The following INO80D variants were observed in gnomAD, a reference collection of about 807,000 sequenced individuals.
The protein encoded by INO80D is INO80 complex subunit D.
In INO80D, 21 loss-of-function variants were observed where a neutral mutation model predicts 87.6. The observed-to-expected ratio is 0.24, with a 90% CI of 0.17 to 0.35. INO80D has a LOEUF of 0.35. INO80D is among the 10% of genes least tolerant of loss of function. INO80D has a pLI of 1.00. For missense variants in INO80D, 982 were observed against 1,280.7 expected, an observed-to-expected ratio of 0.77 and a Z score of 3.56; for synonymous variants, 440 against 491.0, an observed-to-expected ratio of 0.90 and a Z score of 1.37.
intron 1 of INO80D, among the ~76,000 whole-genome samples, chr2:206,071,679 C>T (rs1689977405): frequency 6.6e-6 from 1 of 151,282 alleles, no homozygotes; most frequent in South Asian, 2.1e-4. Flanking sequence ...TGTTACTTTT[C>T]TCTTATTTTG....
At position 206,004,867 on chromosome 2, in the gene INO80D, G is replaced by A; in HGVS notation, c.2585C>T (p.Ala862Val). The A allele has an allele frequency of 3.1e-6, 5 of 1,614,058 alleles. No individual in the cohort carries two copies. The highest frequency in any genetic ancestry group is 3.4e-6 in the Non-Finnish European group (4 of 1,179,908). ...GTGCTGCGCCATGATGGGCATCTCT[G>A]CTGAAAAGGTAGCTGCCATATTATC... The part of the protein sequence containing the change: ...SGDNMAATFS[A>V]EMPIMAQHLL... Residue 862 changes from alanine to valine, a missense_variant, in exon 11 of 11, where the codon GCA becomes GTA. Coordinates refer to ENST00000403263, the MANE Select transcript of INO80D (RefSeq NM_017759.5). This position sits in a 1 kb window ranked among gnomAD's most constrained non-coding sequence, Gnocchi z 4.9.
chr2:206,052,734 G>A (rs1304381192), intron 4 of INO80D, among the ~76,000 whole-genome samples: 1 of 151,728 alleles, frequency 6.6e-6, no homozygotes, highest in Non-Finnish European at 1.5e-5. Context: ...CAAGGCAGCA[G>A]TGAGCCATGA....
intron 5 of INO80D, chr2:206,040,773 G>A: frequency 3.8e-6 from 1 of 261,076 alleles, no homozygotes; most frequent in Non-Finnish European, 8.1e-6. Context: ...CCCAATGGGA[G>A]GCCAAGGTCA....
At chr2:206,009,550 A>G (rs758927421) in intron 9 of INO80D, 27 bp downstream of exon 9, 8 of 1,560,390 alleles carry the variant, frequency 5.1e-6, no homozygotes, top group Middle Eastern at 4.3e-4. Context: ...ATGTAAAGAA[A>G]AATTAGGTGC....
chr2:206,045,710 T>C (rs1689175580), intron 5 of INO80D, among the ~76,000 whole-genome samples: 1 of 150,474 alleles, frequency 6.6e-6, no homozygotes, highest in African/African-American at 2.4e-5. Context: ...TCAGGAGATC[T>C]AGCCTAAAAA....
intron 4 of INO80D, among the ~76,000 whole-genome samples, chr2:206,053,997 G>A (rs1337359131): frequency 6.6e-6 from 1 of 151,748 alleles, no homozygotes; most frequent in African/African-American, 2.4e-5. Flanking sequence ...ACACCACCAT[G>A]CCTAGCTAAT....
In INO80D at chr2:206,007,220, C is replaced by T. The variant is rs929383774; in HGVS notation, c.1918+64G>A. On this transcript the variant is annotated intron_variant, in intron 10 of 10. Transcript: ENST00000403263. ...AATATGATAAACACATCTCAAAACA[C>T]TATTTCTTTTCTTATAAACTCATTT... 2.1e-6 allele frequency: 3 copies of T among 1,425,972 alleles called. No homozygotes were observed. In the African/African-American group the frequency reaches 4.3e-5, roughly 20 times the overall value. 88.3% of individuals were successfully genotyped at this position (1,425,972 alleles called of 1,614,324 possible).
At chr2:206,036,142 G>A (rs1049921347) in intron 5 of INO80D, among the ~76,000 whole-genome samples, 1 of 152,142 alleles carries the variant, frequency 6.6e-6, no homozygotes, top group Admixed American at 6.5e-5. Context: ...ACTGCTGGTG[G>A]GAATGTAAAC....
chr2:206,032,159 A>G (rs1575824324), intron 5 of INO80D, among the ~76,000 whole-genome samples: 1 of 152,310 alleles, frequency 6.6e-6, no homozygotes, highest in East Asian at 1.9e-4. Context: ...ACTTTGTAAC[A>G]ATTTGAACCT....
rs1177852584 is a variant in INO80D, at chr2:206,003,194, A to G, written c.*1174T>C. ...AAACTTTAAAATGTGTATCCTTCAG[A>G]TATTACACATCACTTCACAACTGGT... is the stretch of plus-strand genomic sequence containing the variant. On this transcript the variant is annotated 3_prime_UTR_variant, in exon 11 of 11. Coordinates refer to ENST00000403263, the MANE Select transcript of INO80D (RefSeq NM_017759.5). The G allele has an allele frequency of 6.6e-6, 1 of 152,254 alleles. No individual in the cohort carries two copies. Among genetic ancestry groups the G allele is most frequent in the Non-Finnish European group, 1.5e-5 (1 of 68,046 alleles). The allele number at this position is 152,254 out of a possible 1,614,324, so 9.4% of individuals were successfully genotyped here.
intron 6 of INO80D, chr2:206,025,542 A>ATATATATATATATAT (rs1553616187): frequency 3.0e-4 from 23 of 76,926 alleles, no homozygotes; most frequent in Non-Finnish European, 4.6e-4. Context: ...AAAAAAAAAA[A>ATATATATATATATAT]ATATATATAT....
chr2:206,050,450 C>T (rs1306925298), intron 4 of INO80D, among the ~76,000 whole-genome samples: 1 of 143,972 alleles, frequency 6.9e-6, no homozygotes, highest in East Asian at 2.1e-4. Context: ...CGAGACCTCG[C>T]CACTGCATTG....
chr2:206,020,126 T>C (rs1247424004), intron 6 of INO80D, among the ~76,000 whole-genome samples: 2 of 152,086 alleles, frequency 1.3e-5, no homozygotes, highest in Non-Finnish European at 2.9e-5. Flanking sequence ...TCCCTTTTCT[T>C]CACAAAGAGA....
rs529159460 is a variant in INO80D at position 206,045,760 on chromosome 2, A to G, written c.1073+744T>C. The stretch of plus-strand genomic sequence containing the variant: ...GCACAGTAGAAATAAAGAATGGATC[A>G]ATGTTGCAGAAGATAGAGGTGAAGT... On this transcript the variant is annotated intron_variant, in intron 5 of 10. Coordinates refer to ENST00000403263, the MANE Select transcript of INO80D (RefSeq NM_017759.5). Among the ~76,000 whole-genome samples, 40 of 152,302 alleles carry G rather than the reference A, an allele frequency of 2.6e-4. No homozygotes were observed. The South Asian group carries it at 4.8e-3, about 18-fold the overall frequency.
Position 206,005,363 on chromosome 2 carries a change from T to C in INO80D, c.2089A>G (p.Thr697Ala). 2 of 1,614,018 alleles carry C rather than the reference T, an allele frequency of 1.2e-6. No homozygotes were observed. The highest frequency in any genetic ancestry group is 3.3e-5 in the Admixed American group (2 of 60,024). The change falls in exon 11 of 11, where the codon ACT (threonine) becomes GCT (alanine). Residue 697 changes from threonine to alanine, a missense_variant. Transcript: ENST00000403263. ...DRGIGVFSTG[T>A]GASGIQSLSR... The stretch of plus-strand genomic sequence containing the variant: ...AAGGATTGTATTCCTGAAGCTCCAG[T>C]ACCTGTGGAGAACACCCCTATTCCT...
At chr2:206,025,542 A>AAAAATATATAT (rs71301548) in intron 6 of INO80D, 2 of 76,942 alleles carry the variant, frequency 2.6e-5, no homozygotes, top group African/African-American at 4.4e-5. Context: ...AAAAAAAAAA[A>AAAAATATATAT]ATATATATAT....
At chr2:206,028,369 T>C (rs769776301) in intron 5 of INO80D, 34 bp from the exon 6 acceptor site, 1 of 1,499,812 alleles carries the variant, frequency 6.7e-7, no homozygotes. Context: ...GAAAAACTGA[T>C]TACACATTAG....
chr2:206,078,272 G>A (rs1690178133), intron 1 of INO80D, among the ~76,000 whole-genome samples: 1 of 151,832 alleles, frequency 6.6e-6, no homozygotes, highest in African/African-American at 2.4e-5. Flanking sequence ...ACAAAAATTA[G>A]CCGGCGTGGT....
intron 3 of INO80D, among the ~76,000 whole-genome samples, chr2:206,059,474 T>C (rs1227198724): frequency 2.0e-5 from 3 of 152,212 alleles, no homozygotes; most frequent in Non-Finnish European, 2.9e-5. Context: ...AAAAGACCAC[T>C]GAGGTAAAAA....
Sources: allele counts gnomAD v4.1 joint callset (sites outside exome capture counted in the v4.1 genomes callset), GRCh38; gene constraint gnomAD v4.1.1; non-coding constraint Gnocchi (gnomAD v3.1); transcripts MANE v1.5; gene names NCBI Gene and HGNC (gene_info 2026-07-23, HGNC 2026-07-21).